ICE2: variants seen among roughly 807,000 people sequenced by gnomAD.
ICE2 encodes interactor of little elongation complex ELL subunit 2.
In ICE2, 87 loss-of-function variants were observed where a neutral mutation model predicts 105.4. The ratio of observed to expected loss-of-function variants is 0.83; its 90% CI spans 0.69 to 0.99. The LOEUF (loss-of-function observed/expected upper bound fraction) is 0.99. ICE2 is among the 50% of genes least tolerant of loss of function. The pLI, the probability that ICE2 is intolerant of heterozygous loss-of-function variation, is 0.00. For synonymous variants in ICE2, 399 were observed against 392.0 expected, an observed-to-expected ratio of 1.02 and a Z score of -0.21; for missense variants, 1,323 against 1,146.7, an observed-to-expected ratio of 1.15 and a Z score of -2.22.
At chr15:60,470,390 C>G (rs1048222386) in intron 3 of ICE2, among the ~76,000 whole-genome samples, 7 of 152,126 alleles carry the variant, frequency 4.6e-5, no homozygotes, top group African/African-American at 1.7e-4. Flanking sequence ...GGTTCTCAAT[C>G]ATGACAGTTT....
In ICE2 at chr15:60,467,056, C is replaced by T. The variant is rs148357798; in HGVS notation, c.409-343G>A. 2.0e-4 allele frequency among the ~76,000 whole-genome samples: 31 copies of T among 152,140 alleles called. No homozygotes were observed. In the South Asian group the frequency reaches 5.0e-3, roughly 24 times the overall value. On this transcript the variant is annotated intron_variant, in intron 4 of 15. Coordinates refer to ENST00000261520, the MANE Select transcript of ICE2 (RefSeq NM_024611.6). ...AGGCTGGAGTGCAGTGGCACGATTT[C>T]GGCTCACTGCAACCTCCGCCTCCTG...
rs71122858 is a variant in ICE2, at chr15:60,434,520, TACACACACACAC to T, written c.2510+1611_2510+1622del. On this transcript the variant is annotated intron_variant, in intron 13 of 15. Coordinates refer to ENST00000261520, the MANE Select transcript of ICE2 (RefSeq NM_024611.6). ...AATGGATGAATGAATAAAATGTGAT[TACACACACACAC>T]ACACACACACACACACACACACACA... Among the ~76,000 whole-genome samples, 300 of 144,930 alleles carry T rather than the reference TACACACACACAC, an allele frequency of 2.1e-3. 1 individual carries two copies. The highest frequency in any genetic ancestry group is 7.2e-3 in the Middle Eastern group (2 of 276).
intron 9 of ICE2, among the ~76,000 whole-genome samples, chr15:60,450,214 C>T (rs774948888): frequency 5.3e-5 from 8 of 152,190 alleles, no homozygotes; most frequent in Non-Finnish European, 8.8e-5. Flanking sequence ...TAGGCTCCTG[C>T]AGAGACACTT....
chr15:60,449,296 T>A lies in ICE2; in HGVS notation c.1671A>T (p.Gly557=). ...TATCTTCAGTTTTTGCTGCTTCTGA[T>A]CCAACAGTCTTTTCCTTTGAGTTGT... ...NLDNSKEKTV[G]SEAAKTEDTV... is the part of the protein sequence containing the mutation. Residue 557 remains glycine (G), a synonymous_variant, in exon 10 of 16, where the codon GGA becomes GGT. Coordinates refer to ENST00000261520, the MANE Select transcript of ICE2 (RefSeq NM_024611.6). The A allele has an allele frequency of 6.2e-7, 1 of 1,613,198 alleles. No individual in the cohort carries two copies. The highest frequency in any genetic ancestry group is 8.5e-7 in the Non-Finnish European group (1 of 1,180,006).
Position 60,428,472 on chromosome 15 carries a change from C to T in ICE2, c.2777G>A (p.Cys926Tyr), listed in dbSNP as rs1243152994. The change falls in exon 15 of 16, where the codon TGT becomes TAT. Residue 926 changes from cysteine to tyrosine, a missense_variant. Physicochemically the swap from Cys to Tyr is radical, Grantham distance 194. Coordinates refer to ENST00000261520, the MANE Select transcript of ICE2 (RefSeq NM_024611.6). ...ATCCAGTGATTTCGGTGGAAAAGTA[C>T]AAGGTATTCTTCCATGATGGATATG... ...PYHIHHGRIP[C>Y]TFPPKSLDTT... The T allele has an allele frequency of 1.1e-5, 17 of 1,613,878 alleles. No homozygotes were observed. The highest frequency in any genetic ancestry group is 1.4e-5 in the Non-Finnish European group (17 of 1,179,966).
Position 60,445,678 on chromosome 15 carries a change from T to G in ICE2, c.2295+2292A>C, listed in dbSNP as rs909484059. 40 of 985,236 alleles carry G rather than the reference T, an allele frequency of 4.1e-5. No individual in the cohort carries two copies. In the Admixed American group the frequency reaches 4.3e-4, roughly 11 times the overall value. 61.0% of individuals were successfully genotyped at this position (985,236 alleles called of 1,614,324 possible). A position where few individuals can be genotyped will look rare whatever the true frequency, so the allele number is the denominator to read the frequency against. On this transcript the variant is annotated intron_variant, in intron 11 of 15. Transcript: ENST00000261520. ...ACAAATTTCACCTTAGTCAAGTGAA[T>G]TACAATGTCCTTACCAAGCTGTCTT... is the stretch of plus-strand genomic sequence containing the variant.
intron 13 of ICE2, among the ~76,000 whole-genome samples, chr15:60,434,611 G>C (rs943343924): frequency 2.0e-5 from 3 of 151,338 alleles, no homozygotes; most frequent in Non-Finnish European, 4.4e-5. Flanking sequence ...TCTGTTATTT[G>C]CATCGTGGAT....
chr15:60,456,083 CA>C (rs1203659409), intron 6 of ICE2, among the ~76,000 whole-genome samples: 1 of 151,746 alleles, frequency 6.6e-6, no homozygotes, highest in Non-Finnish European at 1.5e-5. Context: ...TGCTTGTATT[CA>C]GGGGCATTCA....
In ICE2 at chr15:60,449,481, A is replaced by G. The variant is rs1402206980; in HGVS notation, c.1486T>C (p.Ser496Pro). The part of the protein sequence containing the change: ...DQGFESCEKV[S>P]NSDKPLIQDS... ...TGTATCAAAGGCTTGTCAGAATTTGATACCTTTTCACATGATTCAAATCCC... is the reference window on the plus strand; with the variant it reads ...TGTATCAAAGGCTTGTCAGAATTTGGTACCTTTTCACATGATTCAAATCCC... The change falls in exon 10 of 16, where the codon TCA becomes CCA. Residue 496 changes from serine to proline, a missense_variant. By Grantham distance (74) the Ser-to-Pro change is moderately conservative (BLOSUM62 -1). Coordinates refer to ENST00000261520, the MANE Select transcript of ICE2 (RefSeq NM_024611.6). 6.2e-7 allele frequency: 1 copy of G among 1,614,180 alleles called. No homozygotes were observed. Among genetic ancestry groups the G allele is most frequent in the South Asian group, 1.1e-5 (1 of 91,086 alleles).
chr15:60,459,558 T>C (rs774799271), intron 5 of ICE2, among the ~76,000 whole-genome samples: 1 of 152,156 alleles, frequency 6.6e-6, no homozygotes, highest in Non-Finnish European at 1.5e-5. Context: ...AATCTCAGAA[T>C]GTAGGTTTGA....
intron 9 of ICE2, chr15:60,451,098 T>C (rs1595781785): frequency 2.6e-6 from 2 of 763,934 alleles, no homozygotes; most frequent in Non-Finnish European, 3.2e-6. Flanking sequence ...AAACAGATAG[T>C]GGTCATAAAT....
chr15:60,430,026 C>T (rs2063421688), intron 14 of ICE2, among the ~76,000 whole-genome samples: 1 of 152,050 alleles, frequency 6.6e-6, no homozygotes, highest in African/African-American at 2.4e-5. Context: ...ATAGTGGCCT[C>T]CTAGAAATGT....
intron 5 of ICE2, among the ~76,000 whole-genome samples, chr15:60,458,642 C>G (rs531417959): frequency 2.0e-5 from 3 of 152,066 alleles, no homozygotes; most frequent in African/African-American, 7.2e-5. Context: ...CATTTATGTT[C>G]ATAACAGCAT....
At position 60,422,999 on chromosome 15, in the gene ICE2, T is replaced by G. The variant is rs2063261810; in HGVS notation, c.*635A>C. 1 of 152,646 alleles carries G rather than the reference T, an allele frequency of 6.6e-6. No individual in the cohort carries two copies. The highest frequency in any genetic ancestry group is 2.4e-5 in the African/African-American group (1 of 41,460). The allele number at this position is 152,646 out of a possible 1,614,324, so 9.5% of individuals were successfully genotyped here. On this transcript the variant is annotated 3_prime_UTR_variant, in exon 16 of 16. Coordinates refer to ENST00000261520, the MANE Select transcript of ICE2 (RefSeq NM_024611.6). ...TAGAGGCATCTGTCATCAAACATGT[T>G]ATACCACCAAATTTTTTCTTTTATT...
In ICE2 at chr15:60,448,929, A is replaced by T; in HGVS notation, c.2038T>A (p.Ser680Thr). 1 of 1,613,996 alleles carries T rather than the reference A, an allele frequency of 6.2e-7. No individual in the cohort carries two copies. Among genetic ancestry groups the T allele is most frequent in the African/African-American group, 1.3e-5 (1 of 75,058 alleles). ...TCTGAAGGACCAGACAATTGCTCAG[A>T]AACAGAAGGCTGTTTAGAATTTTCT... ...NLENSKQPSV[S>T]EQLSGPSDSS... The change falls in exon 10 of 16, where the codon TCT becomes ACT. Residue 680 changes from serine (S) to threonine (T), a missense_variant. Ser to Thr is a moderately conservative substitution (Grantham distance 58, BLOSUM62 1). Coordinates refer to ENST00000261520, the MANE Select transcript of ICE2 (RefSeq NM_024611.6).
intron 15 of ICE2, among the ~76,000 whole-genome samples, chr15:60,424,533 G>A (rs558170953): frequency 6.9e-6 from 1 of 144,918 alleles, no homozygotes; most frequent in Non-Finnish European, 1.5e-5. Context: ...TTGAGACAGA[G>A]TCTCGCTCTG....
rs137961909 is a variant in ICE2, at chr15:60,434,095, G to A, written c.2510+2048C>T. Reference sequence around the variant, plus strand: ...AAGGCTGCAACTAGCTTAGCTGTGTGCTCTAGGGCATACCACTCTAATATT... The same window carrying A: ...AAGGCTGCAACTAGCTTAGCTGTGTACTCTAGGGCATACCACTCTAATATT... On this transcript the variant is annotated intron_variant, in intron 13 of 15. Transcript: ENST00000261520. 2.6e-3 allele frequency among the ~76,000 whole-genome samples: 403 copies of A among 152,304 alleles called. 7 individuals carry two copies. Among genetic ancestry groups the A allele is most frequent in the African/African-American group, 9.1e-3 (380 of 41,566 alleles).
At chr15:60,473,892 A>G (rs2141169258) in intron 3 of ICE2, among the ~76,000 whole-genome samples, 1 of 152,296 alleles carries the variant, frequency 6.6e-6, no homozygotes, top group East Asian at 1.9e-4. Context: ...GCCTCTTTAA[A>G]ACGTTTATTT....
At chr15:60,470,687 A>T (rs2064566924) in intron 3 of ICE2, among the ~76,000 whole-genome samples, 1 of 152,210 alleles carries the variant, frequency 6.6e-6, no homozygotes, top group South Asian at 2.1e-4. Context: ...TCTCTTAAAT[A>T]CTTTAAATGA....
Sources: gnomAD v4.1 joint callset for allele counts (sites outside exome capture counted in the v4.1 genomes callset) on GRCh38, gnomAD v4.1.1 for gene constraint, MANE v1.5 for transcripts, NCBI Gene and HGNC (gene_info 2026-07-23, HGNC 2026-07-21) for gene names.